EPHB1: variants seen among roughly 807,000 people sequenced by gnomAD.
The protein encoded by EPHB1 is ephrin type-B receptor 1.
In EPHB1, 30 loss-of-function variants were observed where a neutral mutation model predicts 94.4. The ratio of observed to expected loss-of-function variants is 0.32; its 90% CI spans 0.24 to 0.43. The LOEUF is 0.43. Ranked by LOEUF, EPHB1 falls within the 20% of genes least tolerant of loss-of-function variation. The probability of loss-of-function intolerance (pLI) is 1.00; values close to 1 mark genes in which losing one functional copy is unlikely to be tolerated. For synonymous variants in EPHB1, 522 were observed against 489.1 expected, an observed-to-expected ratio of 1.07 and a Z score of -0.89; for missense variants, 1,055 against 1,308.3, an observed-to-expected ratio of 0.81 and a Z score of 2.99.
intron 3 of EPHB1, among the ~76,000 whole-genome samples, chr3:135,095,178 C>G (rs751656196): frequency 2.0e-5 from 3 of 152,138 alleles, no homozygotes; most frequent in African/African-American, 2.4e-5. Context: ...AAAGAGGACT[C>G]CAGAAAGAGG....
At chr3:134,881,396 C>A (rs967716575) in intron 1 of EPHB1, among the ~76,000 whole-genome samples, 1 of 152,046 alleles carries the variant, frequency 6.6e-6, no homozygotes. Flanking sequence ...AAGGAGAACC[C>A]GAGAAGCAGA....
chr3:135,061,377 G>A lies in EPHB1; in HGVS notation c.806-45071G>A, dbSNP rs866123443. Among the ~76,000 whole-genome samples, 95 of 25,226 alleles carry A rather than the reference G, an allele frequency of 3.8e-3. 3 individuals are homozygous for A. Among genetic ancestry groups the A allele is most frequent in the African/African-American group, 8.8e-3 (90 of 10,246 alleles). The allele number at this position is 25,226 out of a possible 152,430, so 16.5% of individuals were successfully genotyped here. A position where few individuals can be genotyped will look rare whatever the true frequency, so the allele number is the denominator to read the frequency against. On this transcript the variant is annotated intron_variant, in intron 3 of 15. Transcript: ENST00000398015. The stretch of plus-strand genomic sequence containing the variant: ...CCACTTAGGAATGACCACCCCCCCC[G>A]ACCCAAGTCCCCAAAGTCCATTGCA...
At chr3:135,084,606 A>G (rs1473421630) in intron 3 of EPHB1, among the ~76,000 whole-genome samples, 1 of 152,198 alleles carries the variant, frequency 6.6e-6, no homozygotes, top group Non-Finnish European at 1.5e-5. Flanking sequence ...CAGAGAAGGC[A>G]ATTGCAGTCC....
intron 2 of EPHB1, among the ~76,000 whole-genome samples, chr3:134,927,547 A>ATTATC (rs2038818429): frequency 6.6e-6 from 1 of 152,148 alleles, no homozygotes; most frequent in South Asian, 2.1e-4. Context: ...GATATTAAGA[A>ATTATC]TTTGCCATCT....
chr3:135,124,774 C>T (rs1202703914), intron 4 of EPHB1, among the ~76,000 whole-genome samples: 1 of 151,664 alleles, frequency 6.6e-6, no homozygotes, highest in Non-Finnish European at 1.5e-5. Flanking sequence ...GTTGTGCTCA[C>T]ATGGCTGTTA....
Position 135,143,591 on chromosome 3 carries a change from C to T in EPHB1, c.1297+10542C>T, listed in dbSNP as rs548032964. ...GAGTGGACTGCCGTTCATGATCAAT[C>T]ATTAAACAGACCAAAGCTGCCAGTG... On this transcript the variant is annotated intron_variant, in intron 5 of 15. Coordinates refer to ENST00000398015, the MANE Select transcript of EPHB1 (RefSeq NM_004441.5). 2.6e-5 allele frequency among the ~76,000 whole-genome samples: 4 copies of T among 152,302 alleles called. No individual in the cohort carries two copies. In the South Asian group the frequency reaches 8.3e-4, roughly 32 times the overall value.
At chr3:135,056,354 C>T (rs1937348858) in intron 3 of EPHB1, among the ~76,000 whole-genome samples, 1 of 152,242 alleles carries the variant, frequency 6.6e-6, no homozygotes, top group Non-Finnish European at 1.5e-5. Flanking sequence ...ATGTGCTTGA[C>T]ACACCCTTCC....
chr3:134,936,000 A>G (rs955889357), intron 2 of EPHB1, among the ~76,000 whole-genome samples: 2 of 152,154 alleles, frequency 1.3e-5, no homozygotes, highest in African/African-American at 2.4e-5. Flanking sequence ...CCAAAGTTCC[A>G]GGACTAGGTG....
chr3:135,103,385 C>A (rs1038779333), intron 3 of EPHB1, among the ~76,000 whole-genome samples: 11 of 152,066 alleles, frequency 7.2e-5, no homozygotes, highest in African/African-American at 2.7e-4. Context: ...GATTTATTTG[C>A]CCACTTTGGG....
At chr3:135,242,550 G>T (rs907819538) in intron 13 of EPHB1, among the ~76,000 whole-genome samples, 1 of 152,186 alleles carries the variant, frequency 6.6e-6, no homozygotes, top group African/African-American at 2.4e-5. Context: ...GCTATGGGCA[G>T]AGTGGCTCCA....
intron 12 of EPHB1, among the ~76,000 whole-genome samples, chr3:135,237,456 G>C (rs1290811631): frequency 6.6e-6 from 1 of 152,100 alleles, no homozygotes; most frequent in Non-Finnish European, 1.5e-5. Flanking sequence ...ATGAAGTCTT[G>C]AAGGGAACTC....
At chr3:135,001,515 A>G (rs1369081293) in intron 3 of EPHB1, among the ~76,000 whole-genome samples, 2 of 152,184 alleles carry the variant, frequency 1.3e-5, no homozygotes, top group Non-Finnish European at 2.9e-5. Context: ...AGTATTGACA[A>G]ATTTTGAGAA....
chr3:134,990,422 G>C (rs954753967), intron 3 of EPHB1, among the ~76,000 whole-genome samples: 1 of 152,116 alleles, frequency 6.6e-6, no homozygotes, highest in Non-Finnish European at 1.5e-5. Flanking sequence ...TTTTTGGATA[G>C]AGCCTCTAAC....
At chr3:135,129,173 A>C (rs1291973958) in intron 4 of EPHB1, among the ~76,000 whole-genome samples, 2 of 151,044 alleles carry the variant, frequency 1.3e-5, no homozygotes, top group Non-Finnish European at 3.0e-5. Context: ...TATTAAAACA[A>C]CATGGAAAAA....
rs187063400 is a variant in EPHB1 at position 134,955,015 on chromosome 3, G to A, written c.805+2963G>A. On this transcript the variant is annotated intron_variant, in intron 3 of 15. Coordinates refer to ENST00000398015, the MANE Select transcript of EPHB1 (RefSeq NM_004441.5). ...TTGCGCATTAGGATGTGTGGCAAGC[G>A]GCTCATGCATTTTCTAGAGGGCTCC... is the stretch of plus-strand genomic sequence containing the variant. Among the ~76,000 whole-genome samples the A allele has an allele frequency of 1.8e-3, 255 of 144,208 alleles. 3 individuals carry two copies. Among genetic ancestry groups the A allele is most frequent in the Non-Finnish European group, 8.0e-4 (53 of 66,504 alleles). The allele number at this position is 144,208 out of a possible 152,430, so 94.6% of individuals were successfully genotyped here.
intron 12 of EPHB1, among the ~76,000 whole-genome samples, chr3:135,217,720 A>T (rs1465655947): frequency 6.6e-6 from 1 of 152,142 alleles, no homozygotes; most frequent in Non-Finnish European, 1.5e-5. Flanking sequence ...TCTGTTTCAG[A>T]TTTTTTTAAT....
chr3:135,148,718 C>A (rs1941095298), intron 5 of EPHB1, among the ~76,000 whole-genome samples: 1 of 152,206 alleles, frequency 6.6e-6, no homozygotes, highest in Non-Finnish European at 1.5e-5. Flanking sequence ...GATATACTAT[C>A]TTGGATCTGT....
chr3:134,894,380 G>C (rs985813305), intron 1 of EPHB1, among the ~76,000 whole-genome samples: 4 of 152,136 alleles, frequency 2.6e-5, no homozygotes, highest in African/African-American at 9.7e-5. Flanking sequence ...GTAATCCTAT[G>C]ACTTGAACTT....
At chr3:134,916,977 G>A (rs1221446577) in intron 1 of EPHB1, among the ~76,000 whole-genome samples, 1 of 152,238 alleles carries the variant, frequency 6.6e-6, no homozygotes, top group Non-Finnish European at 1.5e-5. Context: ...GTTGTTTTAA[G>A]CCACTGAGGT....
Sources: gnomAD v4.1 joint callset for allele counts (sites outside exome capture counted in the v4.1 genomes callset) on GRCh38, gnomAD v4.1.1 for gene constraint, MANE v1.5 for transcripts, NCBI Gene and HGNC (gene_info 2026-07-23, HGNC 2026-07-21) for gene names.